The following KCTD8 variants were observed in gnomAD, a reference collection of about 807,000 sequenced individuals.
KCTD8 encodes the protein BTB/POZ domain-containing protein KCTD8.
Under a neutral mutation model 31.5 loss-of-function variants are expected in KCTD8, and 27 were observed. The ratio of observed to expected loss-of-function variants is 0.86; its 90% CI spans 0.63 to 1.18. The LOEUF is 1.18. Among genes scored for constraint, KCTD8 ranks in the 50% most tolerant of loss-of-function variants. KCTD8 has a pLI of 0.00. For missense variants in KCTD8, 658 were observed against 647.7 expected (o/e 1.02, Z -0.17); for synonymous variants, 290 against 280.0 (o/e 1.04, Z -0.36).
chr4:44,265,169 C>G (rs552151341), intron 1 of KCTD8, among the ~76,000 whole-genome samples: 1 of 152,090 alleles, frequency 6.6e-6, no homozygotes, highest in African/African-American at 2.4e-5. Flanking sequence ...ACACCTCACA[C>G]GGCCGGGTAC....
At chr4:44,318,953 T>C (rs542231049) in intron 1 of KCTD8, among the ~76,000 whole-genome samples, 1 of 152,252 alleles carries the variant, frequency 6.6e-6, no homozygotes, top group African/African-American at 2.4e-5. Context: ...CTGGCACAGA[T>C]AAAATAATTC....
At chr4:44,268,071 C>T (rs1716446900) in intron 1 of KCTD8, among the ~76,000 whole-genome samples, 1 of 152,170 alleles carries the variant, frequency 6.6e-6, no homozygotes, top group South Asian at 2.1e-4. Flanking sequence ...GATTCCAAAG[C>T]CTGGCAGAGA....
intron 1 of KCTD8, among the ~76,000 whole-genome samples, chr4:44,328,437 C>T (rs1425201342): frequency 6.6e-6 from 1 of 151,904 alleles, no homozygotes; most frequent in Non-Finnish European, 1.5e-5. Context: ...TAGATGACCA[C>T]ATCATTGACA....
intron 1 of KCTD8, among the ~76,000 whole-genome samples, chr4:44,375,439 G>A (rs190643458): frequency 1.3e-5 from 2 of 152,266 alleles, no homozygotes; most frequent in Admixed American, 6.5e-5. Flanking sequence ...AACAGTCAAT[G>A]AGTCAGGAAA....
intron 1 of KCTD8, among the ~76,000 whole-genome samples, chr4:44,404,906 C>A (rs1343576636): frequency 1.3e-5 from 2 of 152,102 alleles, no homozygotes; most frequent in African/African-American, 2.4e-5. Context: ...TCTCTTGTTT[C>A]ATATAATAAT....
At position 44,332,020 on chromosome 4, in the gene KCTD8, C is replaced by G. The variant is rs185900946; in HGVS notation, c.961+115543G>C. Among the ~76,000 whole-genome samples the G allele has an allele frequency of 1.1e-4, 16 of 151,862 alleles. No individual in the cohort carries two copies. The East Asian group carries it at 3.1e-3, about 29-fold the overall frequency. On this transcript the variant is annotated intron_variant, in intron 1 of 1. Coordinates refer to ENST00000360029, the MANE Select transcript of KCTD8 (RefSeq NM_198353.3). ...TTAAAATACAGTCACACTACAGAAA[C>G]TAGTAGATACTCTCAACTGAAACAT...
chr4:44,317,130 G>C (rs988767043), intron 1 of KCTD8, among the ~76,000 whole-genome samples: 1 of 147,856 alleles, frequency 6.8e-6, no homozygotes, highest in Admixed American at 6.8e-5. Flanking sequence ...TTGTTTTTTT[G>C]TTGTTTTATG....
At chr4:44,385,654 T>C (rs1720193040) in intron 1 of KCTD8, among the ~76,000 whole-genome samples, 1 of 151,568 alleles carries the variant, frequency 6.6e-6, no homozygotes, top group Non-Finnish European at 1.5e-5. Flanking sequence ...ATTTCATGGA[T>C]GTGGCAACAA....
chr4:44,323,097 A>C (rs891250979), intron 1 of KCTD8, among the ~76,000 whole-genome samples: 1 of 152,066 alleles, frequency 6.6e-6, no homozygotes, highest in African/African-American at 2.4e-5. Context: ...ACAAATTTTA[A>C]GATGACCTTT....
At chr4:44,344,258 C>A (rs1718983548) in intron 1 of KCTD8, among the ~76,000 whole-genome samples, 1 of 152,048 alleles carries the variant, frequency 6.6e-6, no homozygotes, top group South Asian at 2.1e-4. Context: ...AATCGTAGCT[C>A]ACTGCAGCCT....
chr4:44,225,860 G>A (rs1320419686), intron 1 of KCTD8, among the ~76,000 whole-genome samples: 3 of 125,080 alleles, frequency 2.4e-5, no homozygotes, highest in East Asian at 2.5e-4. Flanking sequence ...TTGCTCTGTC[G>A]CCCAGGCTGG....
chr4:44,333,916 T>C (rs1422734736), intron 1 of KCTD8, among the ~76,000 whole-genome samples: 1 of 152,136 alleles, frequency 6.6e-6, no homozygotes, highest in African/African-American at 2.4e-5. Flanking sequence ...ATAATATTCA[T>C]GTTCCTTCAT....
chr4:44,222,865 T>C (rs1051512154), intron 1 of KCTD8, among the ~76,000 whole-genome samples: 1 of 152,240 alleles, frequency 6.6e-6, no homozygotes, highest in Admixed American at 6.5e-5. Context: ...ACAGTAACAA[T>C]AGCTGGTTAG....
At chr4:44,346,021 T>C (rs1719028746) in intron 1 of KCTD8, among the ~76,000 whole-genome samples, 1 of 152,146 alleles carries the variant, frequency 6.6e-6, no homozygotes, top group Non-Finnish European at 1.5e-5. Flanking sequence ...AAAGCGTTCA[T>C]AATTTATATG....
chr4:44,237,091 A>C (rs770939216), intron 1 of KCTD8, among the ~76,000 whole-genome samples: 13 of 152,176 alleles, frequency 8.5e-5, no homozygotes, highest in Non-Finnish European at 1.6e-4. Context: ...AGAACAGACC[A>C]ATGCACAAAA....
chr4:44,290,311 T>C (rs1301960975), intron 1 of KCTD8, among the ~76,000 whole-genome samples: 1 of 152,146 alleles, frequency 6.6e-6, no homozygotes, highest in African/African-American at 2.4e-5. Flanking sequence ...CCCAGATTCA[T>C]AAAACAAGTT....
intron 1 of KCTD8, among the ~76,000 whole-genome samples, chr4:44,241,265 C>T (rs947035291): frequency 6.6e-6 from 1 of 152,198 alleles, no homozygotes; most frequent in Non-Finnish European, 1.5e-5. Context: ...AGAGATTTAT[C>T]TTGTGAATAT....
At chr4:44,321,494 GTACT>G (rs1385012737) in intron 1 of KCTD8, among the ~76,000 whole-genome samples, 3 of 151,968 alleles carry the variant, frequency 2.0e-5, no homozygotes, top group Non-Finnish European at 4.4e-5. Flanking sequence ...CATAATAGCT[GTACT>G]TATTTTTGGG....
At chr4:44,447,084 T>G (rs1721960636) in intron 1 of KCTD8, among the ~76,000 whole-genome samples, 1 of 152,134 alleles carries the variant, frequency 6.6e-6, no homozygotes, top group Non-Finnish European at 1.5e-5. Flanking sequence ...CAACAGCAGG[T>G]GATCCAGGTG....
Sources: allele counts gnomAD v4.1 joint callset (sites outside exome capture counted in the v4.1 genomes callset), GRCh38; gene constraint gnomAD v4.1.1; transcripts MANE v1.5; gene names NCBI Gene and HGNC (gene_info 2026-07-23, HGNC 2026-07-21).